The following ASTN2 variants were observed in gnomAD, a reference collection of about 807,000 sequenced individuals.
ASTN2 encodes the protein astrotactin-2.
Under a neutral mutation model 139.8 loss-of-function variants are expected in ASTN2, and 54 were observed. That is an observed-to-expected ratio of 0.39 (90% CI 0.31 to 0.48). ASTN2 has a LOEUF of 0.48. ASTN2 is among the 20% of genes least tolerant of loss of function. The pLI, the probability that ASTN2 is intolerant of heterozygous loss-of-function variation, is 0.95. For missense variants in ASTN2, 1,565 were observed against 1,725.1 expected, an observed-to-expected ratio of 0.91 and a Z score of 1.64; for synonymous variants, 756 against 719.5, an observed-to-expected ratio of 1.05 and a Z score of -0.81.
At chr9:117,239,345 C>T (rs571536686) in intron 2 of ASTN2, among the ~76,000 whole-genome samples, 51 of 152,216 alleles carry the variant, frequency 3.4e-4, no homozygotes, top group African/African-American at 1.2e-3. Flanking sequence ...GGAGAGACAA[C>T]AGGAGGAGGT....
At chr9:117,159,096 A>T (rs1034830311) in intron 3 of ASTN2, among the ~76,000 whole-genome samples, 4 of 152,042 alleles carry the variant, frequency 2.6e-5, no homozygotes, top group Non-Finnish European at 5.9e-5. Flanking sequence ...TTCATTTGAA[A>T]TTGGGTAATT....
chr9:116,733,430 G>A lies in ASTN2; in HGVS notation c.2490C>T (p.Ser830=), dbSNP rs376814866. The change falls in exon 14 of 23, where the codon TCC becomes TCT. Residue 830 remains serine, a synonymous_variant. Transcript: ENST00000313400. ...GCAGTTGGAGGTCTGGAAGGGGCTC[G>A]GAGAGGACCCCCCGGCACTGCTCCT... ...PVEEQCRGVL[S]EPLPDLQLLT... 33 of 1,614,000 alleles carry A rather than the reference G, an allele frequency of 2.0e-5. 1 individual carries two copies. The South Asian group carries it at 2.1e-4, about 10-fold the overall frequency.
At chr9:117,371,443 AG>A (rs1829987673) in intron 1 of ASTN2, among the ~76,000 whole-genome samples, 1 of 152,182 alleles carries the variant, frequency 6.6e-6, no homozygotes, top group Non-Finnish European at 1.5e-5. Context: ...ATTCCTGTAA[AG>A]TGTCCTTTCA....
chr9:117,262,409 A>ATTTT (rs1244281307), intron 2 of ASTN2, among the ~76,000 whole-genome samples: 1 of 79,478 alleles, frequency 1.3e-5, no homozygotes, highest in East Asian at 3.9e-4. Flanking sequence ...TTATTTATTT[A>ATTTT]TTTATTTATT....
intron 4 of ASTN2, among the ~76,000 whole-genome samples, chr9:117,120,395 G>A (rs1486397152): frequency 2.0e-5 from 3 of 152,142 alleles, no homozygotes; most frequent in Admixed American, 2.0e-4. Flanking sequence ...GCCACAGTGA[G>A]TGTATACAGT....
rs1564489131 is a variant in ASTN2 at position 117,223,642 on chromosome 9, A to G, written c.631-8900T>C. Among the ~76,000 whole-genome samples, 3 of 152,222 alleles carry G rather than the reference A, an allele frequency of 2.0e-5. No homozygotes were observed. In the South Asian group the frequency reaches 6.2e-4, roughly 32 times the overall value. On this transcript the variant is annotated intron_variant, in intron 2 of 22. Transcript: ENST00000313400. ...TATACAAGATACCAGCATGTAATCA[A>G]ATGAAGAGATACATTTACATGTGTG...
chr9:117,198,506 CACCCATT>C (rs1246460267), intron 3 of ASTN2, among the ~76,000 whole-genome samples: 1 of 152,160 alleles, frequency 6.6e-6, no homozygotes. Context: ...TGGTTTGCTG[CACCCATT>C]ACCACATTTT....
chr9:116,601,064 T>A (rs1033409087), intron 19 of ASTN2, among the ~76,000 whole-genome samples: 1 of 152,156 alleles, frequency 6.6e-6, no homozygotes, highest in Non-Finnish European at 1.5e-5. Flanking sequence ...ATATTGAGAA[T>A]TGTAATAAGT....
intron 19 of ASTN2, among the ~76,000 whole-genome samples, chr9:116,538,549 T>C (rs183311731): frequency 5.9e-5 from 9 of 152,280 alleles, no homozygotes; most frequent in Admixed American, 5.2e-4. Flanking sequence ...ACTTGTGAAT[T>C]CTAAATTCAC....
chr9:116,917,123 C>T (rs889304432), intron 10 of ASTN2, among the ~76,000 whole-genome samples: 5 of 152,030 alleles, frequency 3.3e-5, no homozygotes, highest in Admixed American at 3.3e-4. Context: ...TTCCTTCTGC[C>T]CCAAGAGCTT....
chr9:116,817,032 C>T (rs777599716), intron 12 of ASTN2, among the ~76,000 whole-genome samples: 13 of 151,994 alleles, frequency 8.6e-5, no homozygotes, highest in Non-Finnish European at 1.2e-4. Context: ...CGGTAGCTCA[C>T]GCCTGTAATC....
rs1300252851 is a variant in ASTN2 at position 116,537,236 on chromosome 9, TGG to T, written c.3356-49738_3356-49737del. On this transcript the variant is annotated intron_variant, in intron 19 of 22. Coordinates refer to ENST00000313400, the MANE Select transcript of ASTN2 (RefSeq NM_001365068.1). ...TACCCATCTTCTGTGTCGCTCACAC[TGG>T]GAGCTGTAGACTGGAGCTGTTCCTA... Among the ~76,000 whole-genome samples the T allele has an allele frequency of 2.0e-5, 3 of 152,342 alleles. No individual in the cohort carries two copies. The East Asian group carries it at 5.8e-4, about 29-fold the overall frequency.
chr9:116,444,271 G>A (rs1588064377), intron 20 of ASTN2, among the ~76,000 whole-genome samples: 1 of 152,130 alleles, frequency 6.6e-6, no homozygotes, highest in South Asian at 2.1e-4. Flanking sequence ...AATCAACTCT[G>A]TAAAAATGTG....
chr9:117,109,905 G>A (rs1201879949), intron 4 of ASTN2, among the ~76,000 whole-genome samples: 1 of 151,996 alleles, frequency 6.6e-6, no homozygotes, highest in Non-Finnish European at 1.5e-5. Flanking sequence ...TCCTATACAA[G>A]TATATCTTCT....
intron 3 of ASTN2, among the ~76,000 whole-genome samples, chr9:117,150,659 T>G (rs2132878652): frequency 6.6e-6 from 1 of 152,248 alleles, no homozygotes; most frequent in South Asian, 2.1e-4. Context: ...TAGGATTAAC[T>G]GAGATGCTAA....
intron 18 of ASTN2, 126 bp downstream of exon 18, chr9:116,620,184 C>T (rs1856063017): frequency 7.4e-7 from 1 of 1,355,496 alleles, no homozygotes; most frequent in Admixed American, 2.2e-5. Flanking sequence ...GAGGTAGATT[C>T]CAGGGTCTTT....
At chr9:117,325,910 A>G (rs1828499215) in intron 1 of ASTN2, among the ~76,000 whole-genome samples, 1 of 152,182 alleles carries the variant, frequency 6.6e-6, no homozygotes, top group Admixed American at 6.5e-5. Context: ...TGCTTGGAGC[A>G]GAAGAGATGG....
At chr9:117,306,131 C>T (rs982282428) in intron 1 of ASTN2, among the ~76,000 whole-genome samples, 1 of 152,198 alleles carries the variant, frequency 6.6e-6, no homozygotes, top group Non-Finnish European at 1.5e-5. Flanking sequence ...ATCAAGACAT[C>T]TCAATTGTCA....
chr9:116,727,541 T>A (rs1451383510), intron 15 of ASTN2, among the ~76,000 whole-genome samples: 3 of 72,762 alleles, frequency 4.1e-5, no homozygotes, highest in Non-Finnish European at 9.5e-5. Context: ...AAAACAAAAA[T>A]AGGGGGCTCA....
Sources: allele counts gnomAD v4.1 joint callset (sites outside exome capture counted in the v4.1 genomes callset), GRCh38; gene constraint gnomAD v4.1.1; transcripts MANE v1.5; gene names NCBI Gene and HGNC (gene_info 2026-07-23, HGNC 2026-07-21).